The following SLC9A4 variants were observed in gnomAD, a reference collection of about 807,000 sequenced individuals.
SLC9A4 encodes the protein sodium/hydrogen exchanger 4.
A neutral mutation model predicts 67.4 loss-of-function variants in SLC9A4; 63 were observed. The ratio of observed to expected loss-of-function variants is 0.93; its 90% CI spans 0.76 to 1.15. The LOEUF is 1.15. SLC9A4 is among the 50% of genes most tolerant of loss of function. SLC9A4 has a pLI of 0.00. For missense variants in SLC9A4, 1,089 were observed against 987.7 expected (o/e 1.10, Z -1.38); for synonymous variants, 393 against 367.2 (o/e 1.07, Z -0.80).
At chr2:102,530,683 T>G (rs1163815777) in intron 11 of SLC9A4, among the ~76,000 whole-genome samples, 2 of 152,186 alleles carry the variant, frequency 1.3e-5, no homozygotes. Flanking sequence ...ATTGTTTCCT[T>G]AGCTAGTGCT....
At chr2:102,499,810 T>G (rs2104429392) in intron 2 of SLC9A4, among the ~76,000 whole-genome samples, 1 of 152,308 alleles carries the variant, frequency 6.6e-6, no homozygotes, top group Admixed American at 6.5e-5. Context: ...GAGCACTAAT[T>G]TATACACTCA....
Position 102,500,317 on chromosome 2 carries a change from A to AG in SLC9A4, c.721-3126dup, listed in dbSNP as rs144251635. On this transcript the variant is annotated intron_variant, in intron 2 of 11. Coordinates refer to ENST00000295269, the MANE Select transcript of SLC9A4 (RefSeq NM_001011552.4). ...GGAAGGGCCCTCCCCTAACGCCTTCAGGGGGCGCGTAGCACTGCCGACATC... is the reference window on the plus strand; with the variant it reads ...GGAAGGGCCCTCCCCTAACGCCTTCAGGGGGGCGCGTAGCACTGCCGACATC... 5.0e-3 allele frequency among the ~76,000 whole-genome samples: 764 copies of AG among 152,316 alleles called. 10 individuals are homozygous for AG. Among genetic ancestry groups the AG allele is most frequent in the African/African-American group, 0.018 (743 of 41,564 alleles).
At chr2:102,502,422 G>A (rs4851604) in intron 2 of SLC9A4, among the ~76,000 whole-genome samples, 69,450 of 152,054 alleles carry the variant, frequency 0.46, 17,035 homozygotes, top group Admixed American at 0.56. Context: ...GTGCAATCAG[G>A]TAAGATACAC....
intron 4 of SLC9A4, among the ~76,000 whole-genome samples, chr2:102,506,539 T>G (rs1299894379): frequency 6.6e-6 from 1 of 152,160 alleles, no homozygotes; most frequent in Non-Finnish European, 1.5e-5. Context: ...GTGATACAAG[T>G]TTATTATCTT....
intron 2 of SLC9A4, among the ~76,000 whole-genome samples, chr2:102,489,314 T>G (rs879308524): frequency 3.3e-5 from 5 of 152,040 alleles, no homozygotes; most frequent in Non-Finnish European, 7.4e-5. Context: ...AGGTGGATGA[T>G]AGTATTAGGT....
rs1381609455 is a variant in SLC9A4 at position 102,533,734 on chromosome 2, A to AT, written c.*1047dup. 1.4e-5 allele frequency: 2 copies of AT among 146,120 alleles called. No individual in the cohort carries two copies. The highest frequency in any genetic ancestry group is 5.1e-5 in the African/African-American group (2 of 39,526). The allele number at this position is 146,120 out of a possible 1,614,324, so 9.1% of individuals were successfully genotyped here. Reference sequence around the variant, plus strand: ...GTTCAATTCCCACCTATGAGTGAGAATATGCGGTGTTTGGTTTTTTGTTCT... The same window carrying AT: ...GTTCAATTCCCACCTATGAGTGAGAATTATGCGGTGTTTGGTTTTTTGTTCT... On this transcript the variant is annotated 3_prime_UTR_variant, in exon 12 of 12. Transcript: ENST00000295269.
intron 6 of SLC9A4, 109 bp downstream of exon 6, chr2:102,509,042 C>A: frequency 2.2e-6 from 2 of 929,256 alleles, no homozygotes; most frequent in Non-Finnish European, 3.3e-6. Context: ...CCCACTCTGC[C>A]AAGAGTGACT....
chr2:102,522,355 G>A (rs1432761933), intron 9 of SLC9A4, among the ~76,000 whole-genome samples: 2 of 152,096 alleles, frequency 1.3e-5, no homozygotes. Flanking sequence ...CTCCTTTAAG[G>A]CTCAAGGTCC....
At chr2:102,512,790 G>A (rs939773114) in intron 7 of SLC9A4, among the ~76,000 whole-genome samples, 3 of 152,188 alleles carry the variant, frequency 2.0e-5, no homozygotes, top group African/African-American at 7.2e-5. Flanking sequence ...ACTGGACTTA[G>A]TTTCCAGTTC....
At chr2:102,479,346 T>A in intron 2 of SLC9A4, 44 bp downstream of exon 2, 1 of 1,548,804 alleles carries the variant, frequency 6.5e-7, no homozygotes. Flanking sequence ...GAGATGAGGG[T>A]TCGGGGTGGG....
chr2:102,528,328 C>T (rs536145668), intron 11 of SLC9A4, among the ~76,000 whole-genome samples: 89 of 152,016 alleles, frequency 5.9e-4, no homozygotes, highest in African/African-American at 2.0e-3. Flanking sequence ...TTTTTTTAAA[C>T]CATCTTCCTG....
At position 102,532,441 on chromosome 2, in the gene SLC9A4, A is replaced by G; in HGVS notation, c.2150A>G (p.His717Arg). Residue 717 changes from histidine to arginine, a missense_variant, in exon 12 of 12, where the codon CAC becomes CGC. Physicochemically the swap from His to Arg is conservative, Grantham distance 29. Transcript: ENST00000295269. ...GAAATAATACCAATGAAGAGCCTAC[A>G]CAGAGGAAGGAAGGCATTCAGCTTT... The part of the protein sequence containing the change: ...AQEIIPMKSL[H>R]RGRKAFSFGY... 1 of 1,614,236 alleles carries G rather than the reference A, an allele frequency of 6.2e-7. No individual in the cohort carries two copies. The highest frequency in any genetic ancestry group is 8.5e-7 in the Non-Finnish European group (1 of 1,180,034).
chr2:102,475,714 A>G (rs575373972), intron 1 of SLC9A4, among the ~76,000 whole-genome samples: 2 of 152,284 alleles, frequency 1.3e-5, no homozygotes, highest in Non-Finnish European at 2.9e-5. Flanking sequence ...AAGAATTTAG[A>G]TTATTTTTAT....
chr2:102,481,420 C>A (rs1186700766), intron 2 of SLC9A4, among the ~76,000 whole-genome samples: 4 of 152,142 alleles, frequency 2.6e-5, no homozygotes, highest in Admixed American at 2.6e-4. Flanking sequence ...AATCATGACT[C>A]TGTCACATGC....
At chr2:102,521,494 C>T (rs1359126462) in intron 9 of SLC9A4, among the ~76,000 whole-genome samples, 1 of 152,126 alleles carries the variant, frequency 6.6e-6, no homozygotes, top group Non-Finnish European at 1.5e-5. Flanking sequence ...AAACAGAGGG[C>T]AGTTACAAGC....
At chr2:102,507,413 C>G (rs1290783888) in intron 4 of SLC9A4, among the ~76,000 whole-genome samples, 2 of 152,126 alleles carry the variant, frequency 1.3e-5, no homozygotes, top group South Asian at 2.1e-4. Context: ...GTTATGTGAG[C>G]CGCTTGGGGA....
At chr2:102,523,411 C>A (rs1280466945) in intron 9 of SLC9A4, among the ~76,000 whole-genome samples, 1 of 152,138 alleles carries the variant, frequency 6.6e-6, no homozygotes, top group African/African-American at 2.4e-5. Flanking sequence ...GAACTGCAAG[C>A]CGATGAAACC....
At chr2:102,509,880 T>C (rs140405518) in intron 6 of SLC9A4, among the ~76,000 whole-genome samples, 125 of 152,304 alleles carry the variant, frequency 8.2e-4, no homozygotes, top group African/African-American at 2.9e-3. Flanking sequence ...GAGTCATCGA[T>C]ACTAAGCAAA....
intron 8 of SLC9A4, among the ~76,000 whole-genome samples, chr2:102,517,119 T>G (rs1476886000): frequency 1.3e-5 from 2 of 152,174 alleles, no homozygotes; most frequent in African/African-American, 4.8e-5. Context: ...TGGAACACTG[T>G]ATTTTGAGGA....
Sources: gnomAD v4.1 joint callset for allele counts (sites outside exome capture counted in the v4.1 genomes callset) on GRCh38, gnomAD v4.1.1 for gene constraint, MANE v1.5 for transcripts, NCBI Gene and HGNC (gene_info 2026-07-23, HGNC 2026-07-21) for gene names.